Variants in RBM4B observed in about 807,000 individuals in gnomAD.
RBM4B encodes the protein RNA binding motif protein 4B, also known as RNA-binding protein 4B.
A neutral mutation model predicts 28.5 loss-of-function variants in RBM4B; 13 were observed. The ratio of observed to expected loss-of-function variants is 0.46; its 90% confidence interval spans 0.30 to 0.72. The LOEUF (loss-of-function observed/expected upper bound fraction) is 0.72. RBM4B is among the 30% of genes least tolerant of loss of function. The pLI is 0.09. For synonymous variants in RBM4B, 167 were observed against 179.1 expected (o/e 0.93, Z 0.54); for missense variants, 387 against 477.6 (o/e 0.81, Z 1.77).
chr11:66,677,421 G>C, intron 1 of RBM4B: 1 of 338,910 alleles, frequency 3.0e-6, no homozygotes, highest in Non-Finnish European at 5.5e-6. Flanking sequence ...ATCAATCGCA[G>C]TGCGCCTGGT....
At chr11:66,676,446 T>C (rs1939638507) in intron 2 of RBM4B, 2 of 608,782 alleles carry the variant, frequency 3.3e-6, no homozygotes, top group African/African-American at 1.8e-5. Context: ...ACCCACAGTT[T>C]GTGATTCTAT....
chr11:66,671,639 C>G (rs1590884998), intron 2 of RBM4B, among the ~76,000 whole-genome samples: 1 of 152,318 alleles, frequency 6.6e-6, no homozygotes, highest in East Asian at 1.9e-4. Flanking sequence ...TAAATCCAAT[C>G]TTCATTCCTG....
chr11:66,665,886 G>A (rs1410123357), intron 3 of RBM4B: 1 of 1,535,064 alleles, frequency 6.5e-7, no homozygotes, highest in East Asian at 2.4e-5. Context: ...GAAGGCTACT[G>A]TTGCTGTAAC....
At chr11:66,673,686 T>C (rs1939541784) in intron 2 of RBM4B, among the ~76,000 whole-genome samples, 1 of 152,212 alleles carries the variant, frequency 6.6e-6, no homozygotes, top group African/African-American at 2.4e-5. Flanking sequence ...CTTGAACTCC[T>C]GACCTTAGGT....
chr11:66,666,000 G>A (rs1173391508), intron 3 of RBM4B: 6 of 1,466,242 alleles, frequency 4.1e-6, no homozygotes, highest in Non-Finnish European at 5.5e-6. Flanking sequence ...TATTCTAAAT[G>A]TGTTTTGTTT....
intron 3 of RBM4B, 104 bp from the exon 4 acceptor site, chr11:66,665,682 AAGAAC>A (rs1939201455): frequency 6.6e-7 from 1 of 1,514,464 alleles, no homozygotes; most frequent in African/African-American, 1.4e-5. Flanking sequence ...GGGGAAAAAA[AAGAAC>A]AAAACAAAAC....
In RBM4B at chr11:66,666,021, C is replaced by T. The variant is rs972326087; in HGVS notation, c.*10-443G>A. ...AAATGTGTTTTGTTTTAATCTTTCA[C>T]AGTAAACAAGCTTTCAGAAATGATG... On this transcript the variant is annotated intron_variant, in intron 3 of 3. Coordinates refer to ENST00000310046, the MANE Select transcript of RBM4B (RefSeq NM_031492.4). The T allele has an allele frequency of 2.0e-5, 28 of 1,390,130 alleles. No homozygotes were observed. The African/African-American group carries it at 3.2e-4, about 16-fold the overall frequency. The allele number at this position is 1,390,130 out of a possible 1,614,324, so 86.1% of individuals were successfully genotyped here. A position where few individuals can be genotyped will look rare whatever the true frequency, so the allele number is the denominator to read the frequency against.
At position 66,672,407 on chromosome 11, in the gene RBM4B, A is replaced by T. The variant is rs1336665209; in HGVS notation, c.413-3116T>A. Among the ~76,000 whole-genome samples, 6 of 42,666 alleles carry T rather than the reference A, an allele frequency of 1.4e-4. No individual in the cohort carries two copies. In the East Asian group the frequency reaches 2.0e-3, roughly 14 times the overall value. 28.0% of individuals were successfully genotyped at this position (42,666 alleles called of 152,430 possible). A position where few individuals can be genotyped will look rare whatever the true frequency, so the allele number is the denominator to read the frequency against. On this transcript the variant is annotated intron_variant, in intron 2 of 3. Transcript: ENST00000310046. ...CCTAGGCAATAGAGCAAGACTGTCT[A>T]AAAAAAAAAAAAAAAAAAAAAACCC...
In RBM4B at chr11:66,677,268, G is replaced by A. The variant is rs145247777; in HGVS notation, c.-12-177C>T. On this transcript the variant is annotated intron_variant, in intron 1 of 3. Transcript: ENST00000310046. ...TGTTCTCGAGAAGTGCGAGCTATGC[G>A]TGACATGCAAACAGGAGGTCGAGGG... 1.3e-3 allele frequency: 956 copies of A among 757,514 alleles called. 7 individuals carry two copies. In the African/African-American group the frequency reaches 0.015, roughly 12 times the overall value. The allele number at this position is 757,514 out of a possible 1,614,324, so 46.9% of individuals were successfully genotyped here.
At chr11:66,671,997 T>G (rs1939474861) in intron 2 of RBM4B, among the ~76,000 whole-genome samples, 1 of 151,674 alleles carries the variant, frequency 6.6e-6, no homozygotes, top group African/African-American at 2.4e-5. Context: ...TCCACCCGCC[T>G]CAGCCCCCTC....
chr11:66,665,614 G>T (rs769930435), intron 3 of RBM4B, 36 bp from the exon 4 acceptor site: 1 of 1,535,806 alleles, frequency 6.5e-7, no homozygotes, highest in South Asian at 1.2e-5. Context: ...CTTACACAAT[G>T]CCTGGAGAGC....
intron 1 of RBM4B, 101 bp from the exon 2 acceptor site, chr11:66,677,192 A>ATG (rs1939666457): frequency 1.5e-6 from 2 of 1,375,320 alleles, no homozygotes; most frequent in African/African-American, 2.9e-5. Context: ...TGCACCTTCA[A>ATG]GACCCTCGTA....
At position 66,676,852 on chromosome 11, in the gene RBM4B, A is replaced by C; in HGVS notation, c.228T>G (p.Ala76=). The change falls in exon 2 of 4, where the codon GCT becomes GCG. Residue 76 remains alanine (A), a synonymous_variant. Transcript: ENST00000310046. ...NVEASKNKSK[A]STKLHVGNIS... ...TGTTACCCACGTGTAACTTGGTTGA[A>C]GCTTTGCTCTTATTCTTGCTGGCTT... The C allele has an allele frequency of 1.2e-6, 2 of 1,614,148 alleles. No individual in the cohort carries two copies. Among genetic ancestry groups the C allele is most frequent in the Non-Finnish European group, 1.7e-6 (2 of 1,180,022 alleles).
rs1212815300 is a variant in RBM4B, at chr11:66,668,761, TGG to T, written c.941_942del (p.Pro314HisfsTer13). ...CCATAACCGTAGCCCTCTCCAACTG[TGG>T]GGAGCATGGCTGCAGCACGACGCAG... ...SPLRRAAAML[P>X]TVGEGYGYGP... On this transcript the variant is annotated frameshift_variant, in exon 3 of 4. Coordinates refer to ENST00000310046, the MANE Select transcript of RBM4B (RefSeq NM_031492.4). LOFTEE classifies it high-confidence loss of function. 6.2e-7 allele frequency: 1 copy of T among 1,614,178 alleles called. No homozygotes were observed. The highest frequency in any genetic ancestry group is 8.5e-7 in the Non-Finnish European group (1 of 1,180,034).
At chr11:66,673,603 T>C (rs1565095776) in intron 2 of RBM4B, among the ~76,000 whole-genome samples, 1 of 152,126 alleles carries the variant, frequency 6.6e-6, no homozygotes, top group Non-Finnish European at 1.5e-5. Context: ...GGATTACAGG[T>C]GTGTGCCACC....
intron 2 of RBM4B, chr11:66,675,959 T>A (rs1237460410): frequency 1.3e-5 from 2 of 152,346 alleles, no homozygotes; most frequent in Non-Finnish European, 2.9e-5. Flanking sequence ...TGTACCTTTA[T>A]TATCGGTATA....
intron 2 of RBM4B, among the ~76,000 whole-genome samples, chr11:66,671,854 C>G (rs1299150730): frequency 6.6e-6 from 1 of 152,174 alleles, no homozygotes; most frequent in Non-Finnish European, 1.5e-5. Flanking sequence ...AATTCCCTGC[C>G]TCAGCCTCCC....
At chr11:66,674,007 T>G (rs377514584) in intron 2 of RBM4B, among the ~76,000 whole-genome samples, 2 of 152,076 alleles carry the variant, frequency 1.3e-5, no homozygotes, top group African/African-American at 4.8e-5. Flanking sequence ...AAATACAGGA[T>G]TTTTCTTTTC....
At chr11:66,677,333 A>C in intron 1 of RBM4B, 1 of 559,558 alleles carries the variant, frequency 1.8e-6, no homozygotes, top group Admixed American at 3.2e-5. Flanking sequence ...CGTGAAGTGG[A>C]GCGCAATGAA....
Sources: allele counts gnomAD v4.1 joint callset (sites outside exome capture counted in the v4.1 genomes callset), GRCh38; gene constraint gnomAD v4.1.1; transcripts MANE v1.5; gene names NCBI Gene and HGNC (gene_info 2026-07-23, HGNC 2026-07-21).